Variants in ERBB4 observed in about 807,000 individuals in gnomAD.
ERBB4 encodes receptor tyrosine-protein kinase erbB-4.
In ERBB4, 42 loss-of-function variants were observed where a neutral mutation model predicts 158.0. That is an observed-to-expected ratio of 0.27 (90% confidence interval 0.21 to 0.34). ERBB4 has a LOEUF of 0.34. Among genes scored for constraint, ERBB4 ranks in the 10% least tolerant of loss-of-function variants. ERBB4 has a pLI of 1.00. For synonymous variants in ERBB4, 583 were observed against 558.7 expected (o/e 1.04, Z -0.61); for missense variants, 1,333 against 1,624.1 (o/e 0.82, Z 3.08).
intron 22 of ERBB4, among the ~76,000 whole-genome samples, chr2:211,426,996 C>T (rs1195650209): frequency 6.6e-6 from 1 of 151,988 alleles, no homozygotes; most frequent in South Asian, 2.1e-4. Flanking sequence ...TCAAGCATTT[C>T]CACTACATTT....
At chr2:212,225,018 A>G (rs1373865329) in intron 1 of ERBB4, among the ~76,000 whole-genome samples, 2 of 152,064 alleles carry the variant, frequency 1.3e-5, no homozygotes, top group African/African-American at 4.8e-5. Context: ...TTTTTTCCTG[A>G]ACCATTTTTT....
intron 4 of ERBB4, among the ~76,000 whole-genome samples, chr2:211,767,888 C>A (rs181046049): frequency 1.1e-4 from 17 of 152,262 alleles, no homozygotes; most frequent in Admixed American, 2.6e-4. Context: ...CCTCACATTT[C>A]AAAATGTAAT....
chr2:211,410,946 G>A (rs2063244346), intron 25 of ERBB4, among the ~76,000 whole-genome samples: 1 of 152,164 alleles, frequency 6.6e-6, no homozygotes, highest in Admixed American at 6.5e-5. Flanking sequence ...GTCTAGCTCT[G>A]TTGCCAGGCT....
rs541642970 is a variant in ERBB4, at chr2:211,488,416, G to A, written c.2488-57316C>T. On this transcript the variant is annotated intron_variant, in intron 20 of 27. Coordinates refer to ENST00000342788, the MANE Select transcript of ERBB4 (RefSeq NM_005235.3). Reference sequence around the variant, plus strand: ...TTCATGAGGATGGAGATATTGTCCTGCTCATCACTGTATTGAGAGTGCCTA... The same window carrying A: ...TTCATGAGGATGGAGATATTGTCCTACTCATCACTGTATTGAGAGTGCCTA... Among the ~76,000 whole-genome samples the A allele has an allele frequency of 5.4e-4, 82 of 152,100 alleles. 3 individuals are homozygous for A. The South Asian group carries it at 0.017, about 31-fold the overall frequency.
intron 2 of ERBB4, among the ~76,000 whole-genome samples, chr2:211,971,476 T>C (rs1423409323): frequency 6.6e-6 from 1 of 151,976 alleles, no homozygotes; most frequent in Non-Finnish European, 1.5e-5. Context: ...CTACTAGAGG[T>C]ATAAAGAAGA....
chr2:211,499,917 T>G (rs1337531560), intron 20 of ERBB4, among the ~76,000 whole-genome samples: 1 of 151,930 alleles, frequency 6.6e-6, no homozygotes, highest in Non-Finnish European at 1.5e-5. Flanking sequence ...TTCTGAAACG[T>G]AGGCACTGTG....
intron 15 of ERBB4, among the ~76,000 whole-genome samples, chr2:211,658,992 C>T (rs2071322581): frequency 6.6e-6 from 1 of 151,996 alleles, no homozygotes; most frequent in African/African-American, 2.4e-5. Context: ...CCTTATTTCG[C>T]TGGTAATAAA....
chr2:212,479,143 A>G (rs1016696943), intron 1 of ERBB4, among the ~76,000 whole-genome samples: 10 of 152,140 alleles, frequency 6.6e-5, no homozygotes, highest in Non-Finnish European at 1.3e-4. Context: ...AGGCATCCCT[A>G]TTCTTAAAAT....
At chr2:211,978,350 T>G (rs1368520373) in intron 2 of ERBB4, among the ~76,000 whole-genome samples, 2 of 148,478 alleles carry the variant, frequency 1.3e-5, no homozygotes, top group Non-Finnish European at 3.0e-5. Context: ...AGCCAGAAAG[T>G]GAAAGGAGTC....
At chr2:212,503,262 A>T (rs915025608) in intron 1 of ERBB4, among the ~76,000 whole-genome samples, 3 of 152,228 alleles carry the variant, frequency 2.0e-5, no homozygotes, top group Non-Finnish European at 4.4e-5. Flanking sequence ...ACTACAAGTT[A>T]TATCATTTTA....
chr2:212,516,244 C>A (rs767985784), intron 1 of ERBB4, among the ~76,000 whole-genome samples: 6 of 151,760 alleles, frequency 4.0e-5, no homozygotes, highest in Non-Finnish European at 5.9e-5. Flanking sequence ...GATAAGATTA[C>A]AAATAATATT....
chr2:211,888,846 T>TA (rs2078880205), intron 3 of ERBB4, among the ~76,000 whole-genome samples: 1 of 151,460 alleles, frequency 6.6e-6, no homozygotes, highest in South Asian at 2.1e-4. Flanking sequence ...CAGACCGGCT[T>TA]AAAAAACGGC....
chr2:211,917,360 A>G (rs543421212), intron 3 of ERBB4, among the ~76,000 whole-genome samples: 4 of 152,292 alleles, frequency 2.6e-5, no homozygotes, highest in Admixed American at 2.6e-4. Context: ...GGAGCTACAC[A>G]GTGGAGATGG....
At chr2:211,496,538 T>TA (rs939615748) in intron 20 of ERBB4, among the ~76,000 whole-genome samples, 1,920 of 143,424 alleles carry the variant, frequency 0.013, 33 homozygotes, top group African/African-American at 0.044. Flanking sequence ...AAATTTCTCC[T>TA]AAAAAAAAAA....
At position 212,173,784 on chromosome 2, in the gene ERBB4, G is replaced by A. The variant is rs554774270; in HGVS notation, c.83-48881C>T. ...GGAGGTCAGAGGGAGCAGATAGAGA[G>A]AACAATGTCGTTTGCACATGGACAA... On this transcript the variant is annotated intron_variant, in intron 1 of 27. Coordinates refer to ENST00000342788, the MANE Select transcript of ERBB4 (RefSeq NM_005235.3). 2.0e-5 allele frequency among the ~76,000 whole-genome samples: 3 copies of A among 152,200 alleles called. No individual in the cohort carries two copies. In the South Asian group the frequency reaches 6.2e-4, roughly 32 times the overall value.
At chr2:211,890,382 C>A (rs1390851980) in intron 3 of ERBB4, among the ~76,000 whole-genome samples, 1 of 146,568 alleles carries the variant, frequency 6.8e-6, no homozygotes, top group Non-Finnish European at 1.5e-5. Flanking sequence ...ACTAGGCCTG[C>A]CCTAAAAGAG....
chr2:211,865,302 C>T (rs2078177358), intron 3 of ERBB4, among the ~76,000 whole-genome samples: 1 of 151,744 alleles, frequency 6.6e-6, no homozygotes, highest in African/African-American at 2.4e-5. Flanking sequence ...TATTAAATAG[C>T]TCTGGAAAAC....
chr2:211,428,230 A>AAT (rs1467986527), intron 22 of ERBB4, among the ~76,000 whole-genome samples, 178 bp downstream of exon 22: 9 of 145,336 alleles, frequency 6.2e-5, no homozygotes, highest in African/African-American at 2.0e-4. Context: ...AATAAAATAA[A>AAT]ATAAAATAAA....
At chr2:212,235,525 TG>T (rs2083835180) in intron 1 of ERBB4, among the ~76,000 whole-genome samples, 1 of 152,186 alleles carries the variant, frequency 6.6e-6, no homozygotes, top group Non-Finnish European at 1.5e-5. Flanking sequence ...GGTAGCTTGA[TG>T]GGGATGGCAT....
Sources: gnomAD v4.1 joint callset for allele counts (sites outside exome capture counted in the v4.1 genomes callset) on GRCh38, gnomAD v4.1.1 for gene constraint, MANE v1.5 for transcripts, NCBI Gene and HGNC (gene_info 2026-07-23, HGNC 2026-07-21) for gene names.